The following STK31 variants were observed in gnomAD, a reference collection of about 807,000 sequenced individuals.
The protein encoded by STK31 is serine/threonine kinase 31.
STK31 carries 89 observed loss-of-function variants against 129.7 expected under a neutral mutation model. The ratio of observed to expected loss-of-function variants is 0.69; its 90% CI spans 0.58 to 0.82. STK31 has a LOEUF of 0.82. Among genes scored for constraint, STK31 ranks in the 40% least tolerant of loss-of-function variants. The pLI is 0.00. For missense variants in STK31, 1,187 were observed against 1,176.4 expected (o/e 1.01, Z -0.13); for synonymous variants, 448 against 395.3 (o/e 1.13, Z -1.58).
intron 23 of STK31, among the ~76,000 whole-genome samples, chr7:23,823,931 G>A (rs1220270311): frequency 6.6e-6 from 1 of 152,026 alleles, no homozygotes; most frequent in Non-Finnish European, 1.5e-5. Context: ...TATTTCTGAG[G>A]CCTCTGTTCT....
intron 6 of STK31, among the ~76,000 whole-genome samples, chr7:23,731,910 T>G (rs987443058): frequency 1.3e-5 from 2 of 152,234 alleles, no homozygotes. Context: ...GAATGAAGCT[T>G]ACCAGTTTGG....
chr7:23,762,088 TATTTC>T (rs1283579996), intron 10 of STK31, among the ~76,000 whole-genome samples: 4 of 151,562 alleles, frequency 2.6e-5, no homozygotes, highest in Admixed American at 6.6e-5. Context: ...TTTTTTATTT[TATTTC>T]ATTTTATTAT....
At chr7:23,810,798 ATG>A (rs1793070502) in intron 22 of STK31, among the ~76,000 whole-genome samples, 1 of 137,724 alleles carries the variant, frequency 7.3e-6, no homozygotes, top group African/African-American at 2.7e-5. Flanking sequence ...ATATATAAAT[ATG>A]TATATATATT....
At chr7:23,732,406 A>G (rs1011275250) in intron 6 of STK31, among the ~76,000 whole-genome samples, 7 of 152,214 alleles carry the variant, frequency 4.6e-5, no homozygotes, top group Admixed American at 4.6e-4. Flanking sequence ...TATGTATTAT[A>G]TATAAAGAGA....
chr7:23,831,701 A>G (rs953707797), intron 23 of STK31, among the ~76,000 whole-genome samples: 3 of 152,050 alleles, frequency 2.0e-5, no homozygotes, highest in Non-Finnish European at 4.4e-5. Context: ...TCGTGGTAAC[A>G]CTTGAATTAT....
At chr7:23,723,585 A>G (rs1318620199) in intron 4 of STK31, among the ~76,000 whole-genome samples, 1 of 152,304 alleles carries the variant, frequency 6.6e-6, no homozygotes, top group East Asian at 1.9e-4. Flanking sequence ...GCTACTTCTG[A>G]TTGTTCATAA....
intron 3 of STK31, 51 bp downstream of exon 3, chr7:23,712,337 C>T (rs1786026564): frequency 1.9e-6 from 3 of 1,559,562 alleles, no homozygotes; most frequent in Non-Finnish European, 2.6e-6. Flanking sequence ...AATCCAGTTC[C>T]TCCCCAACAA....
chr7:23,810,940 TACAC>T (rs142209476), intron 22 of STK31, among the ~76,000 whole-genome samples: 30 of 140,332 alleles, frequency 2.1e-4, no homozygotes, highest in Non-Finnish European at 1.1e-4. Context: ...TGTGTGTATA[TACAC>T]ACACACACAC....
At chr7:23,799,261 A>G (rs1264341420) in intron 22 of STK31, among the ~76,000 whole-genome samples, 1 of 152,186 alleles carries the variant, frequency 6.6e-6, no homozygotes, top group East Asian at 1.9e-4. Context: ...TTCATGTGGA[A>G]CCAAAAAGCC....
At position 23,781,506 on chromosome 7, in the gene STK31, GA is replaced by G. The variant is rs1790923873; in HGVS notation, c.2054del (p.Glu685GlyfsTer8). On this transcript the variant is annotated frameshift_variant, in exon 16 of 24. Coordinates refer to ENST00000355870, the MANE Select transcript of STK31 (RefSeq NM_031414.5). LOFTEE classifies it high-confidence loss of function. ...RNNVFQEIYH[E>X]REEYEMLTSL... ...TAATGTCTTTCAGGAAATTTATCAT[GA>G]GAGAGAGGAATATGTAAGTATTTGG... The G allele has an allele frequency of 6.2e-7, 1 of 1,606,482 alleles. No individual in the cohort carries two copies. The highest frequency in any genetic ancestry group is 1.3e-5 in the African/African-American group (1 of 74,656).
intron 10 of STK31, among the ~76,000 whole-genome samples, chr7:23,754,840 T>A (rs1237046549): frequency 6.6e-6 from 1 of 152,254 alleles, no homozygotes; most frequent in East Asian, 1.9e-4. Flanking sequence ...CGTTCCTTTT[T>A]ATGGCTGCAT....
intron 15 of STK31, among the ~76,000 whole-genome samples, chr7:23,778,268 A>AT (rs1790686058): frequency 6.6e-6 from 1 of 151,654 alleles, no homozygotes; most frequent in South Asian, 2.1e-4. Flanking sequence ...TTCCCTTAAC[A>AT]TTTTTTCCTT....
At chr7:23,733,822 TAAAA>T (rs894132858) in intron 6 of STK31, among the ~76,000 whole-genome samples, 1 of 148,370 alleles carries the variant, frequency 6.7e-6, no homozygotes, top group African/African-American at 2.5e-5. Context: ...AATAAAAAAA[TAAAA>T]AAAAAATGTG....
At chr7:23,765,582 A>T (rs1789770658) in intron 11 of STK31, among the ~76,000 whole-genome samples, 2 of 111,144 alleles carry the variant, frequency 1.8e-5, no homozygotes. Context: ...TTTGAGATGG[A>T]GTCTCACTCT....
At chr7:23,810,442 TTTTG>T (rs1184078710) in intron 22 of STK31, among the ~76,000 whole-genome samples, 1 of 144,634 alleles carries the variant, frequency 6.9e-6, no homozygotes, top group Non-Finnish European at 1.5e-5. Flanking sequence ...GTATTACTGG[TTTTG>T]TTTGTTTCTT....
At chr7:23,790,703 A>C (rs1266170500) in intron 21 of STK31, 121 bp from the exon 22 acceptor site, 1 of 1,007,766 alleles carries the variant, frequency 9.9e-7, no homozygotes, top group Non-Finnish European at 1.4e-6. Context: ...AAATATTTGA[A>C]AGCAAGGGAA....
intron 18 of STK31, among the ~76,000 whole-genome samples, chr7:23,785,967 C>T (rs999199027): frequency 1.3e-5 from 2 of 151,950 alleles, no homozygotes; most frequent in East Asian, 1.9e-4. Context: ...ACGTTGTGCA[C>T]ATGTACCCTA....
intron 3 of STK31, among the ~76,000 whole-genome samples, chr7:23,715,588 A>G (rs1584314842): frequency 6.6e-6 from 1 of 152,040 alleles, no homozygotes; most frequent in Admixed American, 6.6e-5. Context: ...CCAAACAAAC[A>G]AACAAACAAA....
chr7:23,741,522 T>C (rs1367033979), intron 8 of STK31, among the ~76,000 whole-genome samples: 2 of 152,192 alleles, frequency 1.3e-5, no homozygotes, highest in African/African-American at 4.8e-5. Flanking sequence ...GAAACTATCA[T>C]TAATCAGATA....
Sources: gnomAD v4.1 joint callset for allele counts (sites outside exome capture counted in the v4.1 genomes callset) on GRCh38, gnomAD v4.1.1 for gene constraint, MANE v1.5 for transcripts, NCBI Gene and HGNC (gene_info 2026-07-23, HGNC 2026-07-21) for gene names.